The following KXD1 variants were observed in gnomAD, a reference collection of about 807,000 sequenced individuals.
KXD1 encodes kxDL motif-containing protein 1.
Under a neutral mutation model 12.1 loss-of-function variants are expected in KXD1, and 5 were observed. That is an observed-to-expected ratio of 0.41 (90% CI 0.22 to 0.87). The LOEUF is 0.87. KXD1 is among the 40% of genes least tolerant of loss of function. KXD1 has a pLI of 0.31. For missense variants in KXD1, 193 were observed against 244.9 expected, an observed-to-expected ratio of 0.79 and a Z score of 1.41; for synonymous variants, 98 against 100.5, an observed-to-expected ratio of 0.98 and a Z score of 0.15.
intron 1 of KXD1, chr19:18,560,161 T>G (rs983114519): frequency 2.0e-5 from 3 of 152,082 alleles, no homozygotes; most frequent in African/African-American, 7.2e-5. Context: ...CCCGCCACCA[T>G]GCCCGGCTAA....
chr19:18,558,248 T>C (rs944056024), intron 1 of KXD1: 1 of 152,088 alleles, frequency 6.6e-6, no homozygotes, highest in African/African-American at 2.4e-5. Flanking sequence ...CGTGAGGGGA[T>C]ATTTGAGCCC....
chr19:18,567,316 G>A (rs1975296783), intron 4 of KXD1, 138 bp downstream of exon 4: 1 of 856,934 alleles, frequency 1.2e-6, no homozygotes. Flanking sequence ...CTGGGGTGGG[G>A]GCAGGGTCAG....
intron 3 of KXD1, chr19:18,565,284 C>T: frequency 1.1e-6 from 1 of 920,068 alleles, no homozygotes; most frequent in Non-Finnish European, 1.5e-6. Context: ...GGCTGGAGTG[C>T]AGTGGCGCGA....
At chr19:18,564,781 A>G in intron 2 of KXD1, 88 bp from the exon 3 acceptor site, 1 of 1,470,562 alleles carries the variant, frequency 6.8e-7, no homozygotes, top group Admixed American at 1.8e-5. Context: ...TGAAGCAGGC[A>G]AGGGCTTGGC....
intron 4 of KXD1, 91 bp downstream of exon 4, chr19:18,567,269 G>C: frequency 7.5e-7 from 1 of 1,327,856 alleles, no homozygotes; most frequent in Non-Finnish European, 1.1e-6. Context: ...GCCTGATACT[G>C]AGACCAGGCT....
rs1411297978 is a variant in KXD1 at position 18,568,786 on chromosome 19, G to A, written c.*155G>A. The A allele has an allele frequency of 9.8e-6, 6 of 611,686 alleles. No homozygotes were observed. Among genetic ancestry groups the A allele is most frequent in the Non-Finnish European group, 1.4e-5 (5 of 348,310 alleles). The allele number at this position is 611,686 out of a possible 1,614,324, so 37.9% of individuals were successfully genotyped here. ...ACAAGGCTCTCTCCCGAGGGGTGTGGAATTCCTGGGGGGGTCTTTAATTCT... is the reference window on the plus strand; with the variant it reads ...ACAAGGCTCTCTCCCGAGGGGTGTGAAATTCCTGGGGGGGTCTTTAATTCT... On this transcript the variant is annotated 3_prime_UTR_variant, in exon 5 of 5. Coordinates refer to ENST00000222307, the MANE Select transcript of KXD1 (RefSeq NM_024069.4).
chr19:18,568,952 T>C lies in KXD1; in HGVS notation c.*321T>C, dbSNP rs1459083193. On this transcript the variant is annotated 3_prime_UTR_variant, in exon 5 of 5. Coordinates refer to ENST00000222307, the MANE Select transcript of KXD1 (RefSeq NM_024069.4). ...GCCTGACGTCTGCTCTGAAGAATGC[T>C]TAGAAGGTTCCCAGACACCAGAGCC... is the stretch of plus-strand genomic sequence containing the variant. The C allele has an allele frequency of 8.3e-6, 3 of 360,288 alleles. No individual in the cohort carries two copies. Among genetic ancestry groups the C allele is most frequent in the African/African-American group, 6.2e-5 (3 of 48,550 alleles). The allele number at this position is 360,288 out of a possible 1,614,324, so 22.3% of individuals were successfully genotyped here.
At chr19:18,564,771 T>C in intron 2 of KXD1, 98 bp from the exon 3 acceptor site, 1 of 1,369,178 alleles carries the variant, frequency 7.3e-7, no homozygotes, top group Admixed American at 1.8e-5. Context: ...GCAAAGGTTG[T>C]GAAGCAGGCA....
chr19:18,568,303 T>C (rs1600600145), intron 4 of KXD1, 99 bp from the exon 5 acceptor site: 2 of 792,094 alleles, frequency 2.5e-6, no homozygotes, highest in Non-Finnish European at 4.2e-6. Context: ...CATACCCCCA[T>C]GGGGTGAGGG....
At chr19:18,564,264 AC>A (rs924504710) in intron 2 of KXD1, among the ~76,000 whole-genome samples, 2 of 152,002 alleles carry the variant, frequency 1.3e-5, no homozygotes, top group Middle Eastern at 6.8e-3. Context: ...CCAGACACAG[AC>A]CCTCCTGGCC....
chr19:18,568,041 G>A (rs1975339608), intron 4 of KXD1, among the ~76,000 whole-genome samples: 1 of 152,190 alleles, frequency 6.6e-6, no homozygotes, highest in Non-Finnish European at 1.5e-5. Context: ...GCTGAGGCGG[G>A]TGGATCACCT....
chr19:18,563,284 CCTTT>C (rs1975018181), intron 2 of KXD1, among the ~76,000 whole-genome samples: 1 of 151,718 alleles, frequency 6.6e-6, no homozygotes, highest in Admixed American at 6.6e-5. Flanking sequence ...GATTTCCTTA[CCTTT>C]TCTCCCAGAC....
chr19:18,566,035 T>G (rs1469502906), intron 3 of KXD1, among the ~76,000 whole-genome samples: 2 of 152,112 alleles, frequency 1.3e-5, no homozygotes, highest in African/African-American at 4.8e-5. Flanking sequence ...TTCCCCATGT[T>G]GGCCAGGCTC....
At chr19:18,566,904 G>A (rs1205700864) in intron 3 of KXD1, among the ~76,000 whole-genome samples, 1 of 152,238 alleles carries the variant, frequency 6.6e-6, no homozygotes, top group Non-Finnish European at 1.5e-5. Flanking sequence ...AACTAGTTGG[G>A]GGTTGGTGCC....
chr19:18,569,375 AAAAGT>A (rs1975408400), exon 5 of KXD1: 1 of 152,650 alleles, frequency 6.6e-6, no homozygotes, highest in Admixed American at 6.5e-5. Context: ...CTAAAAAGGG[AAAAGT>A]ACACCTAGCT....
intron 4 of KXD1, 42 bp from the exon 5 acceptor site, chr19:18,568,360 T>G (rs1419010797): frequency 6.8e-7 from 1 of 1,467,698 alleles, no homozygotes; most frequent in East Asian, 2.3e-5. Flanking sequence ...TCACAGAGCT[T>G]GGCAAGGTGA....
In KXD1 at chr19:18,568,520, C is replaced by T. The variant is rs1426560462; in HGVS notation, c.420C>T (p.Thr140=). 1.5e-5 allele frequency: 25 copies of T among 1,613,988 alleles called. No homozygotes were observed. Among genetic ancestry groups the T allele is most frequent in the South Asian group, 3.3e-5 (3 of 91,086 alleles). The change falls in exon 5 of 5, where the codon ACC becomes ACT. Residue 140 remains threonine (T), a synonymous_variant. Transcript: ENST00000222307. The part of the protein sequence containing the change: ...STGSCDTSPD[T]VSPSLSPGFE... The stretch of plus-strand genomic sequence containing the variant: ...GCTCATGTGACACCAGCCCCGACAC[C>T]GTCTCGCCCTCCCTGAGCCCCGGCT...
At chr19:18,560,711 CT>C (rs1974889207) in intron 1 of KXD1, among the ~76,000 whole-genome samples, 2 of 97,606 alleles carry the variant, frequency 2.0e-5, no homozygotes, top group South Asian at 2.7e-4. Flanking sequence ...ACCTCTACTC[CT>C]TCTTTTTTTT....
At chr19:18,562,682 G>A (rs1248366222) in intron 2 of KXD1, among the ~76,000 whole-genome samples, 5 of 152,192 alleles carry the variant, frequency 3.3e-5, no homozygotes, top group African/African-American at 4.8e-5. Context: ...GGCTGGTCTC[G>A]AACTCCTGAC....
Sources: gnomAD v4.1 joint callset for allele counts (sites outside exome capture counted in the v4.1 genomes callset) on GRCh38, gnomAD v4.1.1 for gene constraint, MANE v1.5 for transcripts, NCBI Gene and HGNC (gene_info 2026-07-23, HGNC 2026-07-21) for gene names.